Variants in EXOC6B observed in about 807,000 individuals in gnomAD.
The protein encoded by EXOC6B is exocyst complex component 6B.
A neutral mutation model predicts 113.5 loss-of-function variants in EXOC6B; 54 were observed. The observed-to-expected ratio is 0.48, with a 90% confidence interval of 0.38 to 0.60. The LOEUF (loss-of-function observed/expected upper bound fraction) is 0.60. Ranked by LOEUF, EXOC6B falls within the 20% of genes least tolerant of loss-of-function variation. The pLI, the probability that EXOC6B is intolerant of heterozygous loss-of-function variation, is 0.00. For synonymous variants in EXOC6B, 357 were observed against 339.0 expected (o/e 1.05, Z -0.58); for missense variants, 797 against 977.5 (o/e 0.82, Z 2.46).
At chr2:72,388,437 A>G (rs1692182961) in intron 18 of EXOC6B, among the ~76,000 whole-genome samples, 1 of 152,014 alleles carries the variant, frequency 6.6e-6, no homozygotes, top group African/African-American at 2.4e-5. Flanking sequence ...CTCCTTTTGA[A>G]TTTACTGACG....
chr2:72,802,935 C>T (rs1418300283), intron 1 of EXOC6B, among the ~76,000 whole-genome samples: 1 of 152,166 alleles, frequency 6.6e-6, no homozygotes, highest in African/African-American at 2.4e-5. Flanking sequence ...TTAACAAGCC[C>T]TCCCAGTGGT....
At chr2:72,363,325 G>A (rs1690432667) in intron 19 of EXOC6B, among the ~76,000 whole-genome samples, 3 of 152,036 alleles carry the variant, frequency 2.0e-5, no homozygotes, top group Admixed American at 2.0e-4. Flanking sequence ...GGCACCCTAA[G>A]CAGTAGTTAC....
chr2:72,498,748 T>G (rs1168029409), intron 12 of EXOC6B, among the ~76,000 whole-genome samples, 197 bp from the exon 13 acceptor site: 1 of 151,952 alleles, frequency 6.6e-6, no homozygotes, highest in Non-Finnish European at 1.5e-5. Flanking sequence ...AATTAAATAA[T>G]ACCTAGCAAA....
intron 2 of EXOC6B, among the ~76,000 whole-genome samples, chr2:72,740,414 T>G (rs1288450533): frequency 6.6e-6 from 1 of 152,168 alleles, no homozygotes; most frequent in African/African-American, 2.4e-5. Flanking sequence ...ACATATAAAT[T>G]ATTAGAAATA....
intron 6 of EXOC6B, among the ~76,000 whole-genome samples, chr2:72,717,468 C>A (rs1053083304): frequency 6.6e-6 from 1 of 152,008 alleles, no homozygotes. Flanking sequence ...TTCAAGTGAG[C>A]AAATGCCATT....
chr2:72,441,951 A>G (rs1458992202), intron 18 of EXOC6B, among the ~76,000 whole-genome samples: 1 of 152,256 alleles, frequency 6.6e-6, no homozygotes, highest in Non-Finnish European at 1.5e-5. Context: ...TAAAACAAAA[A>G]AAGAAAACTT....
intron 6 of EXOC6B, among the ~76,000 whole-genome samples, chr2:72,636,372 G>GGAAA: frequency 1.0e-5 from 1 of 95,520 alleles, no homozygotes; most frequent in African/African-American, 6.8e-5. Flanking sequence ...AAGGAAGGAA[G>GGAAA]CAAGGAAGCA....
intron 1 of EXOC6B, among the ~76,000 whole-genome samples, chr2:72,790,785 T>C (rs1047771035): frequency 8.5e-5 from 13 of 152,292 alleles, no homozygotes; most frequent in Non-Finnish European, 1.8e-4. Flanking sequence ...TATATCTTTA[T>C]GCTAAAATAG....
intron 19 of EXOC6B, among the ~76,000 whole-genome samples, chr2:72,373,117 T>G (rs939193205): frequency 6.9e-6 from 1 of 144,300 alleles, no homozygotes; most frequent in Non-Finnish European, 1.5e-5. Context: ...CAGGCTGGAG[T>G]GCAATGGCGC....
intron 18 of EXOC6B, among the ~76,000 whole-genome samples, chr2:72,415,231 C>CA (rs1006329859): frequency 1.3e-5 from 2 of 151,828 alleles, no homozygotes; most frequent in African/African-American, 4.8e-5. Context: ...CCAAATATCC[C>CA]AAATGATGCC....
intron 10 of EXOC6B, 129 bp from the exon 11 acceptor site, chr2:72,513,381 T>G: frequency 8.5e-7 from 1 of 1,176,032 alleles, no homozygotes; most frequent in Non-Finnish European, 1.2e-6. Context: ...TTGAAGAAAC[T>G]TATTCAGTAG....
At chr2:72,395,941 A>G (rs1692698490) in intron 18 of EXOC6B, among the ~76,000 whole-genome samples, 2 of 152,148 alleles carry the variant, frequency 1.3e-5, no homozygotes, top group Non-Finnish European at 2.9e-5. Context: ...AGTATTGTCC[A>G]TAGGTTAAGG....
intron 20 of EXOC6B, among the ~76,000 whole-genome samples, chr2:72,192,550 C>T (rs1678914597): frequency 6.6e-6 from 1 of 152,120 alleles, no homozygotes; most frequent in African/African-American, 2.4e-5. Flanking sequence ...TGGGCTGGGT[C>T]TTAGTAGGCA....
intron 18 of EXOC6B, among the ~76,000 whole-genome samples, chr2:72,455,423 A>G (rs1426616178): frequency 6.6e-6 from 1 of 152,184 alleles, no homozygotes; most frequent in Non-Finnish European, 1.5e-5. Context: ...TTTATACACT[A>G]ACAAAAAAGA....
chr2:72,285,202 T>G (rs75317721), intron 20 of EXOC6B, among the ~76,000 whole-genome samples: 2,910 of 152,172 alleles, frequency 0.019, 89 homozygotes, highest in African/African-American at 0.065. Flanking sequence ...CTTTGTTCAC[T>G]CTCAGACTTC....
At chr2:72,745,974 T>A (rs920519435) in intron 1 of EXOC6B, among the ~76,000 whole-genome samples, 1 of 152,196 alleles carries the variant, frequency 6.6e-6, no homozygotes, top group African/African-American at 2.4e-5. Flanking sequence ...CATCTAGTGA[T>A]GGCCCTTTTC....
chr2:72,485,090 G>A (rs1263583174), intron 16 of EXOC6B, among the ~76,000 whole-genome samples: 1 of 152,164 alleles, frequency 6.6e-6, no homozygotes, highest in Non-Finnish European at 1.5e-5. Flanking sequence ...CAGCAACGGT[G>A]TAAAAGCATT....
At chr2:72,622,301 C>T (rs906022122) in intron 6 of EXOC6B, among the ~76,000 whole-genome samples, 17 of 149,802 alleles carry the variant, frequency 1.1e-4, no homozygotes, top group African/African-American at 4.1e-4. Flanking sequence ...GTAAGATCCA[C>T]AAATGTTTTA....
chr2:72,298,354 C>T (rs1297632402), intron 20 of EXOC6B, among the ~76,000 whole-genome samples: 1 of 152,012 alleles, frequency 6.6e-6, no homozygotes, highest in Non-Finnish European at 1.5e-5. Flanking sequence ...ATTTCTCCAT[C>T]CCTTTATTTT....
Sources: gnomAD v4.1 joint callset for allele counts (sites outside exome capture counted in the v4.1 genomes callset) on GRCh38, gnomAD v4.1.1 for gene constraint, MANE v1.5 for transcripts, NCBI Gene and HGNC (gene_info 2026-07-23, HGNC 2026-07-21) for gene names.